KCNH5: variants seen among roughly 807,000 people sequenced by gnomAD.
The protein encoded by KCNH5 is voltage-gated delayed rectifier potassium channel KCNH5.
A neutral mutation model predicts 96.1 loss-of-function variants in KCNH5; 46 were observed. The observed-to-expected ratio is 0.48, with a 90% CI of 0.38 to 0.61. The LOEUF (loss-of-function observed/expected upper bound fraction) is 0.61. Ranked by LOEUF, KCNH5 falls within the 20% of genes least tolerant of loss-of-function variation. The probability of loss-of-function intolerance (pLI) is 0.00; values close to 1 mark genes in which losing one functional copy is unlikely to be tolerated. For synonymous variants in KCNH5, 439 were observed against 449.8 expected, an observed-to-expected ratio of 0.98 and a Z score of 0.30; for missense variants, 907 against 1,225.8, an observed-to-expected ratio of 0.74 and a Z score of 3.88.
intron 6 of KCNH5, among the ~76,000 whole-genome samples, chr14:62,972,011 T>A (rs777036530): frequency 3.9e-5 from 6 of 152,120 alleles, no homozygotes; most frequent in Non-Finnish European, 7.4e-5. Context: ...AAGCTGGACT[T>A]CATTAAAATG....
intron 9 of KCNH5, among the ~76,000 whole-genome samples, chr14:62,797,014 C>T (rs1389025931): frequency 2.6e-5 from 4 of 152,110 alleles, no homozygotes; most frequent in South Asian, 2.1e-4. Context: ...TTGCCCTAAG[C>T]AGTTTCCAAC....
At chr14:63,027,699 A>G (rs1318642982) in intron 1 of KCNH5, among the ~76,000 whole-genome samples, 1 of 152,044 alleles carries the variant, frequency 6.6e-6, no homozygotes, top group Non-Finnish European at 1.5e-5. Context: ...AATTTTTAAG[A>G]AAAGTATTGC....
intron 7 of KCNH5, among the ~76,000 whole-genome samples, chr14:62,924,350 A>T (rs1248559869): frequency 6.6e-6 from 1 of 151,996 alleles, no homozygotes; most frequent in Non-Finnish European, 1.5e-5. Context: ...AAGAAAAGGG[A>T]CCACTTATAC....
At chr14:62,810,643 G>T (rs1886854752) in intron 8 of KCNH5, among the ~76,000 whole-genome samples, 1 of 152,062 alleles carries the variant, frequency 6.6e-6, no homozygotes, top group Admixed American at 6.6e-5. Flanking sequence ...TCAGTGCCAT[G>T]ACAGTTTACA....
intron 6 of KCNH5, among the ~76,000 whole-genome samples, chr14:62,967,279 A>C (rs1265202709): frequency 6.6e-6 from 1 of 151,830 alleles, no homozygotes; most frequent in African/African-American, 2.4e-5. Flanking sequence ...ATGGGGTCCT[A>C]GTATGTTGCC....
At position 62,812,268 on chromosome 14, in the gene KCNH5, C is replaced by T. The variant is rs80274242; in HGVS notation, c.1570-9687G>A. On this transcript the variant is annotated intron_variant, in intron 8 of 10. Transcript: ENST00000322893. ...TTTATTTATTAGGAAACCATAAATG[C>T]CCCGCCACTGCCATAGAACAGCCTA... Among the ~76,000 whole-genome samples, 130 of 152,192 alleles carry T rather than the reference C, an allele frequency of 8.5e-4. 1 individual carries two copies. The highest frequency in any genetic ancestry group is 3.0e-3 in the African/African-American group (124 of 41,544).
At chr14:62,911,719 T>C (rs978496280) in intron 7 of KCNH5, among the ~76,000 whole-genome samples, 10 of 151,166 alleles carry the variant, frequency 6.6e-5, no homozygotes, top group African/African-American at 2.2e-4. Flanking sequence ...GGCTTTTAAC[T>C]AGCTTTTTTT....
At chr14:62,843,366 A>G (rs1595650792) in intron 8 of KCNH5, among the ~76,000 whole-genome samples, 1 of 150,248 alleles carries the variant, frequency 6.7e-6, no homozygotes, top group East Asian at 1.9e-4. Flanking sequence ...CTTAAGACCA[A>G]TTCAGCTTTA....
intron 7 of KCNH5, among the ~76,000 whole-genome samples, chr14:62,942,182 C>A (rs1422621949): frequency 6.6e-6 from 1 of 152,136 alleles, no homozygotes; most frequent in Non-Finnish European, 1.5e-5. Flanking sequence ...CTCCAATAAC[C>A]AGCTCCATGC....
rs574375846 is a variant in KCNH5, at chr14:62,810,286, C to A, written c.1570-7705G>T. On this transcript the variant is annotated intron_variant, in intron 8 of 10. Coordinates refer to ENST00000322893, the MANE Select transcript of KCNH5 (RefSeq NM_139318.5). ...TAATAGTTAGGCAGGAATATCATCA[C>A]CCCTATTAAGCCTGAAGACATTACA... Among the ~76,000 whole-genome samples, 90 of 152,146 alleles carry A rather than the reference C, an allele frequency of 5.9e-4. 1 individual carries two copies. Among genetic ancestry groups the A allele is most frequent in the African/African-American group, 2.1e-3 (88 of 41,528 alleles).
chr14:62,789,825 G>A (rs1373264821), intron 9 of KCNH5, among the ~76,000 whole-genome samples: 2 of 151,806 alleles, frequency 1.3e-5, no homozygotes, highest in Non-Finnish European at 2.9e-5. Flanking sequence ...TATGTGGTTT[G>A]CAAATATATT....
chr14:62,748,911 A>G (rs1335140431), intron 10 of KCNH5, among the ~76,000 whole-genome samples: 1 of 152,204 alleles, frequency 6.6e-6, no homozygotes, highest in Non-Finnish European at 1.5e-5. Context: ...AACTAAACAG[A>G]AAGGCTTTCC....
chr14:63,043,347 C>A (rs1891862041), intron 1 of KCNH5, among the ~76,000 whole-genome samples: 1 of 152,018 alleles, frequency 6.6e-6, no homozygotes, highest in Admixed American at 6.6e-5. Flanking sequence ...CTCTCATAGA[C>A]CAAATTGCGT....
rs1435698471 is a variant in KCNH5 at position 62,875,138 on chromosome 14, T to C, written c.1370-25286A>G. On this transcript the variant is annotated intron_variant, in intron 7 of 10. Transcript: ENST00000322893. Reference sequence around the variant, plus strand: ...ACCTAGGAATCCAACTTACAAGGGATGTGAAGGACCTCTTCAAGGAGAACT... The same window carrying C: ...ACCTAGGAATCCAACTTACAAGGGACGTGAAGGACCTCTTCAAGGAGAACT... 1.9e-4 allele frequency among the ~76,000 whole-genome samples: 28 copies of C among 146,676 alleles called. 1 individual carries two copies. Among genetic ancestry groups the C allele is most frequent in the Non-Finnish European group, 3.0e-5 (2 of 66,886 alleles).
At chr14:63,017,847 A>T (rs964800978) in intron 1 of KCNH5, among the ~76,000 whole-genome samples, 1 of 151,950 alleles carries the variant, frequency 6.6e-6, no homozygotes, top group African/African-American at 2.4e-5. Flanking sequence ...TATACTAAAA[A>T]TATAACAAAT....
At chr14:63,036,481 T>G (rs1228517446) in intron 1 of KCNH5, among the ~76,000 whole-genome samples, 1 of 150,360 alleles carries the variant, frequency 6.7e-6, no homozygotes, top group African/African-American at 2.5e-5. Flanking sequence ...CTAAAGACAC[T>G]TTGAATAGAA....
rs10140149 is a variant in KCNH5 at position 62,839,424 on chromosome 14, G to T, written c.1569+10229C>A. Among the ~76,000 whole-genome samples, 1,241 of 152,224 alleles carry T rather than the reference G, an allele frequency of 8.2e-3. 14 individuals carry two copies. Among genetic ancestry groups the T allele is most frequent in the African/African-American group, 0.025 (1,053 of 41,530 alleles). ...CTATACCCTGATCTGAATATATTCT[G>T]ATATTTGCCCTGCAGACTCCCCTGT... On this transcript the variant is annotated intron_variant, in intron 8 of 10. Coordinates refer to ENST00000322893, the MANE Select transcript of KCNH5 (RefSeq NM_139318.5).
At chr14:62,908,160 A>G (rs553139419) in intron 7 of KCNH5, among the ~76,000 whole-genome samples, 2 of 152,230 alleles carry the variant, frequency 1.3e-5, no homozygotes, top group East Asian at 1.9e-4. Flanking sequence ...AAAAAAGGGG[A>G]AAAAAACAGT....
intron 10 of KCNH5, among the ~76,000 whole-genome samples, chr14:62,764,663 A>T (rs1305105524): frequency 1.3e-5 from 2 of 152,238 alleles, no homozygotes; most frequent in Non-Finnish European, 2.9e-5. Flanking sequence ...CAACCACTTC[A>T]GCAAAGTTTT....
Sources: allele counts gnomAD v4.1 joint callset (sites outside exome capture counted in the v4.1 genomes callset), GRCh38; gene constraint gnomAD v4.1.1; transcripts MANE v1.5; gene names NCBI Gene and HGNC (gene_info 2026-07-23, HGNC 2026-07-21).